Variants in CLDN10 observed in about 807,000 individuals in gnomAD.
The protein encoded by CLDN10 is claudin 10, also known as claudin-10.
Under a neutral mutation model 22.9 loss-of-function variants are expected in CLDN10, and 15 were observed. The observed-to-expected ratio is 0.65, with a 90% CI of 0.44 to 1.01. CLDN10 has a LOEUF of 1.01. Ranked by LOEUF, CLDN10 falls within the 50% of genes least tolerant of loss-of-function variation. The pLI is 0.00. For synonymous variants in CLDN10, 114 were observed against 111.4 expected (o/e 1.02, Z -0.15); for missense variants, 247 against 287.8 (o/e 0.86, Z 1.03).
chr13:95,479,717 A>G (rs1194829857), intron 1 of CLDN10: 3 of 152,336 alleles, frequency 2.0e-5, no homozygotes, highest in Non-Finnish European at 2.9e-5. Context: ...CAGATAAGAA[A>G]ACAAACCTGG....
intron 1 of CLDN10, among the ~76,000 whole-genome samples, chr13:95,512,413 G>C (rs917764247): frequency 2.0e-5 from 3 of 151,714 alleles, no homozygotes; most frequent in South Asian, 2.1e-4. Flanking sequence ...TGTTGTTTTT[G>C]GTTTGTTTGT....
At chr13:95,537,939 A>G (rs115448235) in intron 1 of CLDN10, among the ~76,000 whole-genome samples, 2,291 of 152,272 alleles carry the variant, frequency 0.015, 63 homozygotes, top group African/African-American at 0.052. Context: ...AGAACCCAAA[A>G]CTACATCCTT....
upstream of CLDN10, among the ~76,000 whole-genome samples, chr13:95,551,883 G>A (rs1594606164): frequency 3.3e-5 from 5 of 151,662 alleles, no homozygotes; most frequent in South Asian, 1.0e-3. Context: ...GATGGAGGTG[G>A]TTTAAAAAAA....
intron 1 of CLDN10, among the ~76,000 whole-genome samples, chr13:95,472,978 A>T (rs1276938003): frequency 6.6e-6 from 1 of 151,984 alleles, no homozygotes. Context: ...TGTCAGTACA[A>T]ATAATTTAAA....
intron 1 of CLDN10, among the ~76,000 whole-genome samples, chr13:95,509,020 C>T (rs1343498857): frequency 2.0e-5 from 3 of 152,098 alleles, no homozygotes; most frequent in Non-Finnish European, 4.4e-5. Context: ...GGGGCAGAGA[C>T]TGGAGGATGG....
At chr13:95,533,522 A>C (rs1393404338) in intron 1 of CLDN10, among the ~76,000 whole-genome samples, 3 of 152,230 alleles carry the variant, frequency 2.0e-5, no homozygotes, top group African/African-American at 7.2e-5. Flanking sequence ...TAATTTGTTC[A>C]ATCCATTAAA....
At chr13:95,508,362 T>G (rs1289217142) in intron 1 of CLDN10, among the ~76,000 whole-genome samples, 1 of 152,200 alleles carries the variant, frequency 6.6e-6, no homozygotes, top group Non-Finnish European at 1.5e-5. Flanking sequence ...TCTTTCATGC[T>G]CTTACATTTT....
intron 1 of CLDN10, among the ~76,000 whole-genome samples, chr13:95,521,909 G>T (rs2043227584): frequency 6.6e-6 from 1 of 151,878 alleles, no homozygotes; most frequent in African/African-American, 2.4e-5. Flanking sequence ...ATTTGGTGAA[G>T]AGATTTGTTC....
intron 3 of CLDN10, among the ~76,000 whole-genome samples, chr13:95,569,442 G>C (rs1176953423): frequency 2.0e-5 from 3 of 152,040 alleles, no homozygotes; most frequent in Non-Finnish European, 4.4e-5. Flanking sequence ...AAATGAGCTG[G>C]GTGTGGTGGC....
In CLDN10 at chr13:95,518,899, G is replaced by A. The variant is rs1366161042; in HGVS notation, c.215-41233G>A. On this transcript the variant is annotated intron_variant, in intron 1 of 4. Coordinates refer to the CLDN10 transcript ENST00000376873. ...TCAGCGCTATAGAATATTGGCTGAT[G>A]TTGGTCACAAAAGTATTTTGGTTTA... Among the ~76,000 whole-genome samples the A allele has an allele frequency of 3.3e-5, 5 of 152,358 alleles. No homozygotes were observed. In the Middle Eastern group the frequency reaches 0.01, roughly 311 times the overall value.
intron 1 of CLDN10, among the ~76,000 whole-genome samples, chr13:95,457,978 A>C (rs915482578): frequency 1.3e-5 from 2 of 152,190 alleles, no homozygotes; most frequent in African/African-American, 4.8e-5. Flanking sequence ...CAGCTAATCT[A>C]GGCTGGACTT....
chr13:95,466,876 CTT>C (rs1312550565), intron 1 of CLDN10, among the ~76,000 whole-genome samples: 157 of 136,844 alleles, frequency 1.1e-3, no homozygotes, highest in African/African-American at 3.9e-3. Flanking sequence ...ACCCCCTCTA[CTT>C]TTTTTTTTTT....
chr13:95,434,478 A>AC (rs2042244832), intron 1 of CLDN10, among the ~76,000 whole-genome samples: 2 of 145,654 alleles, frequency 1.4e-5, no homozygotes, highest in African/African-American at 2.5e-5. Flanking sequence ...TACACCCACA[A>AC]ACACACACAC....
rs547635358 is a variant in CLDN10, at chr13:95,519,850, G to A, written c.215-40282G>A. Among the ~76,000 whole-genome samples, 4 of 152,280 alleles carry A rather than the reference G, an allele frequency of 2.6e-5. No homozygotes were observed. In the South Asian group the frequency reaches 6.2e-4, roughly 24 times the overall value. On this transcript the variant is annotated intron_variant, in intron 1 of 4. Transcript: ENST00000376873. Reference sequence around the variant, plus strand: ...GTCTAGGTAAAGAGGAAAGGGAGAGGAAAGCTTAACAACATAAGAAGTAAA... The same window carrying A: ...GTCTAGGTAAAGAGGAAAGGGAGAGAAAAGCTTAACAACATAAGAAGTAAA...
At chr13:95,501,069 T>C (rs9524988) in intron 1 of CLDN10, among the ~76,000 whole-genome samples, 63,408 of 151,894 alleles carry the variant, frequency 0.42, 14,477 homozygotes, top group Non-Finnish European at 0.5. Context: ...GGCTGGAGTG[T>C]AGTGGCATGA....
intron 1 of CLDN10, among the ~76,000 whole-genome samples, chr13:95,435,170 T>C (rs2042255991): frequency 6.6e-6 from 1 of 152,214 alleles, no homozygotes; most frequent in Non-Finnish European, 1.5e-5. Flanking sequence ...TGCTTTCCTG[T>C]CATTATGAGA....
chr13:95,514,665 A>C (rs1172426097), intron 1 of CLDN10, among the ~76,000 whole-genome samples: 1 of 152,138 alleles, frequency 6.6e-6, no homozygotes, highest in Admixed American at 6.5e-5. Context: ...TGGGGATGAA[A>C]GCCAGATGAG....
chr13:95,506,727 G>A (rs752470732), intron 1 of CLDN10, among the ~76,000 whole-genome samples: 1 of 152,206 alleles, frequency 6.6e-6, no homozygotes, highest in Non-Finnish European at 1.5e-5. Flanking sequence ...CTTGGTGAGA[G>A]TTGTAGTCTA....
At chr13:95,450,034 G>T (rs1015587264) in intron 1 of CLDN10, among the ~76,000 whole-genome samples, 16 of 152,024 alleles carry the variant, frequency 1.1e-4, no homozygotes, top group African/African-American at 3.9e-4. Context: ...GAGCCACCAC[G>T]CCCGGCCTTA....
Sources: gnomAD v4.1 joint callset for allele counts (sites outside exome capture counted in the v4.1 genomes callset) on GRCh38, gnomAD v4.1.1 for gene constraint, MANE v1.5 for transcripts, NCBI Gene and HGNC (gene_info 2026-07-23, HGNC 2026-07-21) for gene names.